Variants in DBH observed in about 807,000 individuals in gnomAD.
DBH encodes the protein dopamine beta-hydroxylase (dopamine beta-monooxygenase).
DBH carries 49 observed loss-of-function variants against 64.0 expected under a neutral mutation model. The observed-to-expected ratio is 0.77, with a 90% confidence interval of 0.61 to 0.97. The LOEUF is 0.97. DBH is among the 50% of genes least tolerant of loss of function. The pLI is 0.00. For missense variants in DBH, 828 were observed against 826.6 expected (o/e 1.00, Z -0.02); for synonymous variants, 343 against 347.1 (o/e 0.99, Z 0.13).
At chr9:133,639,697 C>T in intron 1 of DBH, 149 bp from the exon 2 acceptor site, 1 of 835,842 alleles carries the variant, frequency 1.2e-6, no homozygotes, top group African/African-American at 1.7e-5. Flanking sequence ...CAGCCCCAGG[C>T]AGAACCCTCA....
intron 6 of DBH, among the ~76,000 whole-genome samples, chr9:133,648,908 A>G (rs1832213953): frequency 6.6e-6 from 1 of 152,216 alleles, no homozygotes; most frequent in Admixed American, 6.5e-5. Context: ...CCATTTTCTC[A>G]TGTAGATTTC....
intron 6 of DBH, among the ~76,000 whole-genome samples, 167 bp from the exon 7 acceptor site, chr9:133,651,467 G>A (rs958559735): frequency 6.6e-6 from 1 of 152,226 alleles, no homozygotes; most frequent in African/African-American, 2.4e-5. Context: ...TTCCCCGTGA[G>A]GTTTCTGATG....
chr9:133,648,331 G>T (rs1360103261), intron 6 of DBH, among the ~76,000 whole-genome samples: 2 of 152,192 alleles, frequency 1.3e-5, no homozygotes, highest in Non-Finnish European at 2.9e-5. Flanking sequence ...CCACTCACAA[G>T]CGCAGGCACT....
intron 1 of DBH, among the ~76,000 whole-genome samples, chr9:133,639,619 C>T (rs937694736): frequency 3.9e-5 from 6 of 152,238 alleles, no homozygotes; most frequent in African/African-American, 1.2e-4. Context: ...GAGGAACCAA[C>T]TCCACTGTCG....
intron 6 of DBH, 62 bp downstream of exon 6, chr9:133,648,074 G>C: frequency 6.5e-7 from 1 of 1,545,676 alleles, no homozygotes. Context: ...GTGGAGGCCT[G>C]GCAGGTCGTG....
At chr9:133,656,791 CCT>C in intron 10 of DBH, 141 bp downstream of exon 10, 2 of 1,155,202 alleles carry the variant, frequency 1.7e-6, no homozygotes, top group Non-Finnish European at 2.5e-6. Flanking sequence ...TCACCCCTCC[CCT>C]CACTCGTTTC....
At chr9:133,651,588 C>G (rs1349833468) in intron 6 of DBH, 46 bp from the exon 7 acceptor site, 2 of 1,610,970 alleles carry the variant, frequency 1.2e-6, no homozygotes, top group Non-Finnish European at 1.7e-6. Flanking sequence ...ACGGGAGGGT[C>G]CCCTCGGGGG....
intron 1 of DBH, among the ~76,000 whole-genome samples, chr9:133,638,945 C>T (rs1305284115): frequency 6.6e-5 from 10 of 151,992 alleles, no homozygotes; most frequent in Non-Finnish European, 8.8e-5. Context: ...GGGGAGCGGC[C>T]GGAGACGGGG....
In DBH at chr9:133,644,298, C is replaced by T; in HGVS notation, c.1002C>T (p.Tyr334=). The change falls in exon 5 of 12, where the codon TAC becomes TAT. Residue 334 remains tyrosine (Y), a synonymous_variant. Coordinates refer to ENST00000393056, the MANE Select transcript of DBH (RefSeq NM_000787.4). ...GATATCTCCGCCTGGAAGTTCACTA[C>T]CACAACCCACTGGTGATAGAAGGTA... ...SSRYLRLEVH[Y]HNPLVIEGRN... The T allele has an allele frequency of 6.2e-7, 1 of 1,614,042 alleles. No homozygotes were observed. Among genetic ancestry groups the T allele is most frequent in the Non-Finnish European group, 8.5e-7 (1 of 1,179,864 alleles).
At chr9:133,646,333 C>T (rs1432985017) in intron 5 of DBH, among the ~76,000 whole-genome samples, 2 of 151,858 alleles carry the variant, frequency 1.3e-5, no homozygotes, top group East Asian at 1.9e-4. Flanking sequence ...CCGCCATGTC[C>T]GCCATGTCCA....
rs763022610 is a variant in DBH at position 133,643,458 on chromosome 9, A to G, written c.790A>G (p.Met264Val). ...TKGNEALVHH[M>V]EVFQCAPEMD... ...GGGCAATGAGGCCCTTGTCCACCAC[A>G]TGGAAGTCTTCCAGTGCGCCCCCGA... The change falls in exon 4 of 12, where the codon ATG (methionine) becomes GTG (valine). Residue 264 changes from methionine (M) to valine (V), a missense_variant. Met to Val is a conservative substitution (Grantham distance 21). Transcript: ENST00000393056. The surrounding 1 kb of genome is among the most constrained non-coding windows in gnomAD (Gnocchi z 5.3). 3.1e-6 allele frequency: 5 copies of G among 1,611,022 alleles called. No individual in the cohort carries two copies. The South Asian group carries it at 4.4e-5, about 14-fold the overall frequency.
At position 133,643,508 on chromosome 9, in the gene DBH, C is replaced by G; in HGVS notation, c.840C>G (p.Ser280Arg). Reference protein sequence around the residue: ...APEMDSVPHFSGPCDSKMKPD... With the variant: ...APEMDSVPHFRGPCDSKMKPD... The stretch of plus-strand genomic sequence containing the variant: ...AGATGGACAGCGTCCCCCACTTCAG[C>G]GGGCCCTGCGACTCCAAGATGAAAC... Residue 280 changes from serine to arginine, a missense_variant, in exon 4 of 12, where the codon AGC becomes AGG. Ser to Arg is a moderately radical substitution (Grantham distance 110). Coordinates refer to ENST00000393056, the MANE Select transcript of DBH (RefSeq NM_000787.4). This position sits in a 1 kb window ranked among gnomAD's most constrained non-coding sequence, Gnocchi z 5.3. 1 of 1,613,786 alleles carries G rather than the reference C, an allele frequency of 6.2e-7. No homozygotes were observed. Among genetic ancestry groups the G allele is most frequent in the East Asian group, 2.2e-5 (1 of 44,838 alleles).
intron 1 of DBH, among the ~76,000 whole-genome samples, chr9:133,638,952 G>A (rs12001868): frequency 0.031 from 4,740 of 152,186 alleles, 82 homozygotes; most frequent in Non-Finnish European, 0.042. Flanking sequence ...GGCCGGAGAC[G>A]GGGAGGGCAG....
chr9:133,643,670 G>C lies in DBH; in HGVS notation c.921+81G>C. The C allele has an allele frequency of 6.5e-7, 1 of 1,530,546 alleles. No individual in the cohort carries two copies. The highest frequency in any genetic ancestry group is 2.3e-5 in the East Asian group (1 of 43,020). The allele number at this position is 1,530,546 out of a possible 1,614,324, so 94.8% of individuals were successfully genotyped here. A position where few individuals can be genotyped will look rare whatever the true frequency, so the allele number is the denominator to read the frequency against. ...ACACCTCTGTTTCCCCAGCTTCACC[G>C]TCTCAGAGGCTTCAAGAAGGGGCTC... is the stretch of plus-strand genomic sequence containing the variant. On this transcript the variant is annotated intron_variant, in intron 4 of 11. Coordinates refer to ENST00000393056, the MANE Select transcript of DBH (RefSeq NM_000787.4). The surrounding 1 kb of genome is among the most constrained non-coding windows in gnomAD (Gnocchi z 5.3).
At chr9:133,650,640 C>G (rs899636657) in intron 6 of DBH, among the ~76,000 whole-genome samples, 1 of 151,128 alleles carries the variant, frequency 6.6e-6, no homozygotes, top group Non-Finnish European at 1.5e-5. Context: ...CTCTGCCTCC[C>G]GGGTTCAAGT....
At position 133,658,572 on chromosome 9, in the gene DBH, C is replaced by A; in HGVS notation, c.*125C>A. The A allele has an allele frequency of 8.8e-7, 1 of 1,135,446 alleles. No individual in the cohort carries two copies. Among genetic ancestry groups the A allele is most frequent in the Non-Finnish European group, 1.2e-6 (1 of 831,312 alleles). The allele number at this position is 1,135,446 out of a possible 1,614,324, so 70.3% of individuals were successfully genotyped here. ...CGCCCAGGATGAAGGGGCCAGACCA[C>A]GCCCCTGCCTGAGACCACGGTCCAA... On this transcript the variant is annotated 3_prime_UTR_variant, in exon 12 of 12. Coordinates refer to ENST00000393056, the MANE Select transcript of DBH (RefSeq NM_000787.4).
chr9:133,648,697 C>T (rs996819910), intron 6 of DBH, among the ~76,000 whole-genome samples: 9 of 152,226 alleles, frequency 5.9e-5, no homozygotes, highest in Non-Finnish European at 1.2e-4. Context: ...CACAGGTTGG[C>T]GCTTAGACTG....
chr9:133,647,080 G>A (rs752733250), intron 5 of DBH, among the ~76,000 whole-genome samples: 17 of 152,206 alleles, frequency 1.1e-4, no homozygotes, highest in South Asian at 2.1e-4. Flanking sequence ...GCAGGACCTG[G>A]CCTGTGCATG....
intron 2 of DBH, among the ~76,000 whole-genome samples, chr9:133,641,352 C>A (rs1035578133): frequency 1.3e-5 from 2 of 152,216 alleles, no homozygotes; most frequent in East Asian, 3.9e-4. Context: ...TCCCAGTGGA[C>A]GAGGCAAGGG....
Sources: gnomAD v4.1 joint callset for allele counts (sites outside exome capture counted in the v4.1 genomes callset) on GRCh38, gnomAD v4.1.1 for gene constraint, Gnocchi (gnomAD v3.1) non-coding constraint, MANE v1.5 for transcripts, NCBI Gene and HGNC (gene_info 2026-07-23, HGNC 2026-07-21) for gene names.